The following C8orf34 variants were observed in gnomAD, a reference collection of about 807,000 sequenced individuals.
C8orf34 encodes the protein chromosome 8 open reading frame 34.
A neutral mutation model predicts 68.3 loss-of-function variants in C8orf34; 65 were observed. The observed-to-expected ratio is 0.95, with a 90% confidence interval of 0.78 to 1.17. The LOEUF is 1.17. Ranked by LOEUF, C8orf34 falls within the 50% of genes most tolerant of loss-of-function variation. The pLI is 0.00. For missense variants in C8orf34, 664 were observed against 655.4 expected (o/e 1.01, Z -0.14); for synonymous variants, 244 against 241.2 (o/e 1.01, Z -0.11).
intron 8 of C8orf34, among the ~76,000 whole-genome samples, chr8:68,656,072 G>T (rs1682288184): frequency 6.6e-6 from 1 of 152,178 alleles, no homozygotes; most frequent in African/African-American, 2.4e-5. Flanking sequence ...AGGTCCCTGT[G>T]CTTGGTGATG....
At chr8:68,635,859 A>G (rs1014597504) in intron 7 of C8orf34, among the ~76,000 whole-genome samples, 1 of 152,172 alleles carries the variant, frequency 6.6e-6, no homozygotes, top group Non-Finnish European at 1.5e-5. Flanking sequence ...TCTCTTCTCT[A>G]TGACAAACCT....
chr8:68,792,776 A>G (rs570426516), intron 12 of C8orf34, among the ~76,000 whole-genome samples: 35 of 152,086 alleles, frequency 2.3e-4, no homozygotes, highest in Middle Eastern at 3.4e-3. Context: ...AGATAGAATT[A>G]GATGAAAGAA....
At chr8:68,732,828 C>T (rs1197285242) in intron 10 of C8orf34, among the ~76,000 whole-genome samples, 2 of 152,068 alleles carry the variant, frequency 1.3e-5, no homozygotes, top group South Asian at 2.1e-4. Context: ...TTTGGGATGC[C>T]GAGGCAGACA....
At chr8:68,456,209 C>T (rs947880892) in intron 3 of C8orf34, among the ~76,000 whole-genome samples, 16 of 151,538 alleles carry the variant, frequency 1.1e-4, no homozygotes, top group African/African-American at 3.9e-4. Flanking sequence ...TGAGCTGAGA[C>T]CGCACCACTG....
intron 10 of C8orf34, among the ~76,000 whole-genome samples, chr8:68,762,397 G>A (rs1397637767): frequency 6.6e-6 from 1 of 152,140 alleles, no homozygotes; most frequent in Non-Finnish European, 1.5e-5. Context: ...TAAATAGTTT[G>A]GCTCTGAAGT....
chr8:68,701,644 G>T (rs865781341), intron 8 of C8orf34, among the ~76,000 whole-genome samples: 3 of 151,848 alleles, frequency 2.0e-5, no homozygotes, highest in African/African-American at 7.3e-5. Flanking sequence ...GTGTCTCCTG[G>T]ATCCTATGCT....
intron 1 of C8orf34, among the ~76,000 whole-genome samples, chr8:68,429,235 G>A (rs1023616144): frequency 8.5e-5 from 13 of 152,052 alleles, no homozygotes; most frequent in African/African-American, 9.7e-5. Flanking sequence ...TAGAAAAATG[G>A]CAAATAAATT....
intron 1 of C8orf34, among the ~76,000 whole-genome samples, chr8:68,384,035 T>G (rs574672010): frequency 6.6e-6 from 1 of 152,334 alleles, no homozygotes; most frequent in Admixed American, 6.5e-5. Context: ...AGGAGATACT[T>G]AACCACACTA....
At chr8:68,423,678 C>T (rs931402160) in intron 1 of C8orf34, among the ~76,000 whole-genome samples, 27 of 152,118 alleles carry the variant, frequency 1.8e-4, no homozygotes, top group Admixed American at 9.8e-4. Flanking sequence ...AGCAGCACCC[C>T]ACTATCTCGG....
In C8orf34 at chr8:68,748,458, A is replaced by C. The variant is rs929925270; in HGVS notation, c.1404+27021A>C. On this transcript the variant is annotated intron_variant, in intron 10 of 13. Coordinates refer to ENST00000518698, the MANE Select transcript of C8orf34 (RefSeq NM_052958.4). ...ATCAGAGTGAACAGGCAACCTACAA[A>C]ATGGGAGAAAATTTTTGCAACCTAC... Among the ~76,000 whole-genome samples the C allele has an allele frequency of 1.3e-3, 196 of 150,550 alleles. 2 individuals carry two copies. Among genetic ancestry groups the C allele is most frequent in the African/African-American group, 4.1e-3 (167 of 40,976 alleles).
chr8:68,479,934 G>A (rs1023160069), intron 4 of C8orf34, among the ~76,000 whole-genome samples: 5 of 152,180 alleles, frequency 3.3e-5, no homozygotes, highest in Non-Finnish European at 5.9e-5. Flanking sequence ...CATGTTCTAA[G>A]CATGATTTTT....
intron 7 of C8orf34, among the ~76,000 whole-genome samples, chr8:68,618,034 G>A (rs890804264): frequency 6.6e-6 from 1 of 150,970 alleles, no homozygotes; most frequent in African/African-American, 2.4e-5. Flanking sequence ...TTTTTTATTT[G>A]GACCATCTAT....
intron 3 of C8orf34, among the ~76,000 whole-genome samples, chr8:68,453,086 T>C (rs1430172879): frequency 6.6e-6 from 1 of 151,918 alleles, no homozygotes; most frequent in Admixed American, 6.6e-5. Flanking sequence ...AATACGAGGG[T>C]TTATTTTTAG....
intron 10 of C8orf34, among the ~76,000 whole-genome samples, chr8:68,756,901 T>C (rs952968552): frequency 2.0e-5 from 3 of 152,182 alleles, no homozygotes; most frequent in African/African-American, 7.2e-5. Context: ...TTCTTAAAGA[T>C]GAAAGAGAAC....
intron 10 of C8orf34, among the ~76,000 whole-genome samples, chr8:68,736,920 C>G: frequency 6.6e-6 from 1 of 152,044 alleles, no homozygotes; most frequent in East Asian, 1.9e-4. Context: ...TAATGTGGAT[C>G]TGAGTAATTT....
chr8:68,419,585 C>T (rs1214858249), intron 1 of C8orf34, among the ~76,000 whole-genome samples: 1 of 151,472 alleles, frequency 6.6e-6, no homozygotes, highest in Admixed American at 6.6e-5. Flanking sequence ...ACCCAAATGT[C>T]CAACAATGAT....
chr8:68,562,559 AG>A (rs1035149701), intron 7 of C8orf34, among the ~76,000 whole-genome samples: 9 of 152,198 alleles, frequency 5.9e-5, no homozygotes, highest in African/African-American at 1.9e-4. Flanking sequence ...ACAGTGTTGG[AG>A]GGGTAATGGG....
chr8:68,370,230 C>T (rs139620866), intron 1 of C8orf34, among the ~76,000 whole-genome samples: 2 of 152,250 alleles, frequency 1.3e-5, no homozygotes, highest in African/African-American at 2.4e-5. Context: ...CCATCTATTC[C>T]CCTTCTACAG....
chr8:68,718,947 G>A (rs1191159451), intron 9 of C8orf34, among the ~76,000 whole-genome samples: 1 of 151,980 alleles, frequency 6.6e-6, no homozygotes, highest in Non-Finnish European at 1.5e-5. Flanking sequence ...CAAATTTAGG[G>A]ACTCATTTCC....
Sources: allele counts gnomAD v4.1 joint callset (sites outside exome capture counted in the v4.1 genomes callset), GRCh38; gene constraint gnomAD v4.1.1; transcripts MANE v1.5; gene names NCBI Gene and HGNC (gene_info 2026-07-23, HGNC 2026-07-21).